The following GTSE1 variants were observed in gnomAD, a reference collection of about 807,000 sequenced individuals.
GTSE1 encodes G2 and S phase-expressed protein 1.
GTSE1 carries 52 observed loss-of-function variants against 60.5 expected under a neutral mutation model. That is an observed-to-expected ratio of 0.86 (90% CI 0.69 to 1.08). GTSE1 has a LOEUF of 1.08. Ranked by LOEUF, GTSE1 falls within the 50% of genes least tolerant of loss-of-function variation. The pLI is 0.00. For synonymous variants in GTSE1, 368 were observed against 386.5 expected (o/e 0.95, Z 0.56); for missense variants, 937 against 961.8 (o/e 0.97, Z 0.34).
intron 9 of GTSE1, chr22:46,326,988 A>G (rs867263970): frequency 2.1e-4 from 44 of 205,362 alleles, no homozygotes; most frequent in Middle Eastern, 2.0e-3. Context: ...AGACTGCCTG[A>G]GCTCAGGAGT....
chr22:46,302,722 CAA>C (rs2147812944), intron 2 of GTSE1, among the ~76,000 whole-genome samples: 1 of 152,184 alleles, frequency 6.6e-6, no homozygotes, highest in South Asian at 2.1e-4. Flanking sequence ...TCCCAAGTTA[CAA>C]AAGTTTCCTC....
chr22:46,328,735 T>G lies in GTSE1; in HGVS notation c.1772T>G (p.Val591Gly). 1 of 1,614,072 alleles carries G rather than the reference T, an allele frequency of 6.2e-7. No homozygotes were observed. The highest frequency in any genetic ancestry group is 1.3e-5 in the African/African-American group (1 of 75,062). The part of the protein sequence containing the change: ...ESNRKTDSRL[V>G]DVSPDRGSPP... ...AACAGAAAGACAGATTCCAGGCTGG[T>G]GGATGTGTCCCCTGACAGGGGTTCT... Residue 591 changes from valine to glycine, a missense_variant, in exon 10 of 12, where the codon GTG becomes GGG. Transcript: ENST00000454366.
Position 46,329,221 on chromosome 22 carries a change from C to T in GTSE1, c.1927-137C>T, listed in dbSNP as rs2077861905. 2.6e-6 allele frequency: 2 copies of T among 775,182 alleles called. No individual in the cohort carries two copies. The highest frequency in any genetic ancestry group is 1.7e-5 in the African/African-American group (1 of 59,124). The allele number at this position is 775,182 out of a possible 1,614,324, so 48.0% of individuals were successfully genotyped here. Reference sequence around the variant, plus strand: ...CACGGCCCACCCCATACAGAGCCTCCTTCCACCAAGGCCCCGCCTGATTCC... The same window carrying T: ...CACGGCCCACCCCATACAGAGCCTCTTTCCACCAAGGCCCCGCCTGATTCC... On this transcript the variant is annotated intron_variant, in intron 10 of 11. Coordinates refer to ENST00000454366, the MANE Select transcript of GTSE1 (RefSeq NM_016426.7). The surrounding 1 kb of genome is among the most constrained non-coding windows in gnomAD (Gnocchi z 6.4).
At chr22:46,325,854 C>T (rs2077840692) in intron 8 of GTSE1, among the ~76,000 whole-genome samples, 1 of 152,244 alleles carries the variant, frequency 6.6e-6, no homozygotes. Context: ...AAGAAAGCAA[C>T]AGTTAGGCAA....
At chr22:46,312,638 CAAAAAA>C (rs60392526) in intron 5 of GTSE1, among the ~76,000 whole-genome samples, 1 of 59,790 alleles carries the variant, frequency 1.7e-5, no homozygotes, top group African/African-American at 4.9e-5. Flanking sequence ...GACCCTGTCT[CAAAAAA>C]AAAAAAAAAA....
chr22:46,320,963 G>C lies in GTSE1; in HGVS notation c.1433-2227G>C, dbSNP rs551383929. On this transcript the variant is annotated intron_variant, in intron 7 of 11. Transcript: ENST00000454366. The surrounding 1 kb of genome is among the most constrained non-coding windows in gnomAD (Gnocchi z 7.1). ...TGAAGAGTGCGCTCCACCCAGCTGAGGGAGAGGACAACCGAGAGGAAGGGG... is the reference window on the plus strand; with the variant it reads ...TGAAGAGTGCGCTCCACCCAGCTGACGGAGAGGACAACCGAGAGGAAGGGG... 1.3e-5 allele frequency among the ~76,000 whole-genome samples: 2 copies of C among 152,130 alleles called. No individual in the cohort carries two copies. Among genetic ancestry groups the C allele is most frequent in the Admixed American group, 1.3e-4 (2 of 15,274 alleles).
At position 46,319,171 on chromosome 22, in the gene GTSE1, G is replaced by A. The variant is rs1281338970; in HGVS notation, c.1432+2759G>A. On this transcript the variant is annotated intron_variant, in intron 7 of 11. Coordinates refer to ENST00000454366, the MANE Select transcript of GTSE1 (RefSeq NM_016426.7). This position sits in a 1 kb window ranked among gnomAD's most constrained non-coding sequence, Gnocchi z 5.0. ...GGGCAGGGTAAGAAGAGATGAAGAT[G>A]GAGGGGCAGCCCGAGGCCGGCTCCC... 1.3e-5 allele frequency among the ~76,000 whole-genome samples: 2 copies of A among 152,210 alleles called. No individual in the cohort carries two copies.
Position 46,315,993 on chromosome 22 carries a change from CT to C in GTSE1, c.1052-35del, listed in dbSNP as rs775828004. 3.6e-5 allele frequency: 52 copies of C among 1,453,350 alleles called. No homozygotes were observed. The South Asian group carries it at 6.7e-4, about 19-fold the overall frequency. 90.0% of individuals were successfully genotyped at this position (1,453,350 alleles called of 1,614,324 possible). ...TGTGTGTTTGTTAAATAGCTTCATACTTTTATAATAATGTGATTTTTGTGTG... is the reference window on the plus strand; with the variant it reads ...TGTGTGTTTGTTAAATAGCTTCATACTTTATAATAATGTGATTTTTGTGTG... On this transcript the variant is annotated intron_variant, in intron 6 of 11. Transcript: ENST00000454366.
intron 5 of GTSE1, among the ~76,000 whole-genome samples, 193 bp downstream of exon 5, chr22:46,312,498 G>C (rs1192294008): frequency 2.0e-5 from 3 of 152,064 alleles, no homozygotes; most frequent in African/African-American, 7.2e-5. Context: ...AATTAGCTGG[G>C]CATGGTGGTG....
Position 46,329,622 on chromosome 22 carries a change from G to T in GTSE1, c.2136+55G>T, listed in dbSNP as rs974382638. 1 of 1,421,188 alleles carries T rather than the reference G, an allele frequency of 7.0e-7. No individual in the cohort carries two copies. 88.0% of individuals were successfully genotyped at this position (1,421,188 alleles called of 1,614,324 possible). On this transcript the variant is annotated intron_variant, in intron 11 of 11. Transcript: ENST00000454366. This position sits in a 1 kb window ranked among gnomAD's most constrained non-coding sequence, Gnocchi z 6.4. The stretch of plus-strand genomic sequence containing the variant: ...TCAGCCCTGGGTGTCCTCAGTTCTG[G>T]GATTGTTCATCCTCCCAGGGCCATC...
intron 8 of GTSE1, 127 bp from the exon 9 acceptor site, chr22:46,326,309 G>T: frequency 1.4e-6 from 1 of 715,148 alleles, no homozygotes; most frequent in Non-Finnish European, 2.2e-6. Flanking sequence ...AGCTCACACG[G>T]GCTCCCTGGC....
intron 8 of GTSE1, 82 bp from the exon 9 acceptor site, chr22:46,326,354 A>C (rs559391228): frequency 8.5e-7 from 1 of 1,170,046 alleles, no homozygotes; most frequent in Middle Eastern, 2.9e-4. Flanking sequence ...AGCCCTCAGC[A>C]CTGCATTAGC....
intron 9 of GTSE1, among the ~76,000 whole-genome samples, chr22:46,327,698 CAT>C (rs2077852007): frequency 6.6e-6 from 1 of 152,134 alleles, no homozygotes; most frequent in African/African-American, 2.4e-5. Flanking sequence ...AACAAAAAAA[CAT>C]ATATAATATC....
rs1333188311 is a variant in GTSE1, at chr22:46,297,816, G to T, written c.79+337G>T. ...TTTCTGTTTGCTAAGACTTATTTAG[G>T]ATCTTTGAGACCATGTTAATGAGTA... On this transcript the variant is annotated intron_variant, in intron 2 of 11. Transcript: ENST00000454366. This position sits in a 1 kb window ranked among gnomAD's most constrained non-coding sequence, Gnocchi z 4.9. 2.0e-5 allele frequency among the ~76,000 whole-genome samples: 3 copies of T among 151,958 alleles called. No individual in the cohort carries two copies. The highest frequency in any genetic ancestry group is 2.0e-4 in the Admixed American group (3 of 15,236).
At position 46,305,482 on chromosome 22, in the gene GTSE1, G is replaced by C. The variant is rs528534609; in HGVS notation, c.80-2668G>C. 2.0e-5 allele frequency among the ~76,000 whole-genome samples: 3 copies of C among 152,280 alleles called. No homozygotes were observed. The South Asian group carries it at 6.2e-4, about 32-fold the overall frequency. On this transcript the variant is annotated intron_variant, in intron 2 of 11. Coordinates refer to ENST00000454366, the MANE Select transcript of GTSE1 (RefSeq NM_016426.7). ...AAATTAGCTGGGCGTGGTAGCACGT[G>C]CCTGTAATCCCAGCTACTCGGGAGG...
At chr22:46,301,618 G>A (rs2077689688) in intron 2 of GTSE1, among the ~76,000 whole-genome samples, 1 of 151,558 alleles carries the variant, frequency 6.6e-6, no homozygotes, top group Non-Finnish European at 1.5e-5. Flanking sequence ...CTCCCAAGTA[G>A]CTGGGATTAC....
At chr22:46,311,325 G>A (rs957124452) in intron 4 of GTSE1, among the ~76,000 whole-genome samples, 2 of 152,098 alleles carry the variant, frequency 1.3e-5, no homozygotes, top group African/African-American at 2.4e-5. Context: ...TGATCTGCCC[G>A]CCTCGGCCTC....
At position 46,319,687 on chromosome 22, in the gene GTSE1, T is replaced by C. The variant is rs2077801159; in HGVS notation, c.1432+3275T>C. ...TTTCAACAGCAGAGAGCTGAGTTTGTAGAGATGGGAGCTGTGAGCTGGGCA... is the reference window on the plus strand; with the variant it reads ...TTTCAACAGCAGAGAGCTGAGTTTGCAGAGATGGGAGCTGTGAGCTGGGCA... On this transcript the variant is annotated intron_variant, in intron 7 of 11. Coordinates refer to ENST00000454366, the MANE Select transcript of GTSE1 (RefSeq NM_016426.7). The surrounding 1 kb of genome is among the most constrained non-coding windows in gnomAD (Gnocchi z 5.0). Among the ~76,000 whole-genome samples the C allele has an allele frequency of 6.6e-6, 1 of 151,974 alleles. No homozygotes were observed. Among genetic ancestry groups the C allele is most frequent in the South Asian group, 2.1e-4 (1 of 4,820 alleles).
At position 46,314,127 on chromosome 22, in the gene GTSE1, G is replaced by A. The variant is rs6008623; in HGVS notation, c.1051+114G>A. Reference sequence around the variant, plus strand: ...CCACTTAGGCTTGGCAGGACGTCCCGGAGGGCGTGCTGTGTGCGGTGGACC... The same window carrying A: ...CCACTTAGGCTTGGCAGGACGTCCCAGAGGGCGTGCTGTGTGCGGTGGACC... On this transcript the variant is annotated intron_variant, in intron 6 of 11. Coordinates refer to ENST00000454366, the MANE Select transcript of GTSE1 (RefSeq NM_016426.7). The surrounding 1 kb of genome is among the most constrained non-coding windows in gnomAD (Gnocchi z 7.1). 0.1 allele frequency: 135,033 copies of A among 1,322,996 alleles called. 8,134 individuals are homozygous for A. Among genetic ancestry groups the A allele is most frequent in the African/African-American group, 0.25 (17,067 of 69,342 alleles). The allele number at this position is 1,322,996 out of a possible 1,614,324, so 82.0% of individuals were successfully genotyped here. A position where few individuals can be genotyped will look rare whatever the true frequency, so the allele number is the denominator to read the frequency against.
Sources: gnomAD v4.1 joint callset for allele counts (sites outside exome capture counted in the v4.1 genomes callset) on GRCh38, gnomAD v4.1.1 for gene constraint, Gnocchi (gnomAD v3.1) non-coding constraint, MANE v1.5 for transcripts, NCBI Gene and HGNC (gene_info 2026-07-23, HGNC 2026-07-21) for gene names.